CRISP2: variants seen among roughly 807,000 people sequenced by gnomAD.
CRISP2 encodes cysteine rich secretory protein 2.
Under a neutral mutation model 31.7 loss-of-function variants are expected in CRISP2, and 29 were observed. The ratio of observed to expected loss-of-function variants is 0.92; its 90% CI spans 0.68 to 1.25. The LOEUF (loss-of-function observed/expected upper bound fraction) is 1.25, where lower values mean the gene tolerates loss of function less well. Ranked by LOEUF, CRISP2 falls within the 50% of genes most tolerant of loss-of-function variation. The probability of loss-of-function intolerance (pLI) is 0.00; values close to 1 mark genes in which losing one functional copy is unlikely to be tolerated. For synonymous variants in CRISP2, 111 were observed against 101.4 expected, an observed-to-expected ratio of 1.09 and a Z score of -0.57; for missense variants, 318 against 286.5, an observed-to-expected ratio of 1.11 and a Z score of -0.79.
downstream of CRISP2, among the ~76,000 whole-genome samples, chr6:49,691,875 T>G (rs1764070454): frequency 6.6e-6 from 1 of 152,112 alleles, no homozygotes; most frequent in Non-Finnish European, 1.5e-5. Flanking sequence ...TAGCTCATGC[T>G]ATTTCACCAT....
chr6:49,707,395 G>A (rs930746863), intron 4 of CRISP2, among the ~76,000 whole-genome samples: 4 of 152,118 alleles, frequency 2.6e-5, no homozygotes, highest in African/African-American at 7.2e-5. Context: ...TAGGCATCTT[G>A]AAAACATCAG....
At chr6:49,707,629 T>G (rs1259187958) in intron 4 of CRISP2, among the ~76,000 whole-genome samples, 1 of 152,198 alleles carries the variant, frequency 6.6e-6, no homozygotes, top group Admixed American at 6.5e-5. Context: ...ATGAATGAAT[T>G]ATCTGCACAT....
chr6:49,704,869 T>C (rs1180336102), intron 4 of CRISP2, among the ~76,000 whole-genome samples: 1 of 152,224 alleles, frequency 6.6e-6, no homozygotes, highest in Admixed American at 6.5e-5. Flanking sequence ...TCAGGACCTC[T>C]GGTTAGCCAG....
At chr6:49,697,673 T>C in intron 8 of CRISP2, 187 bp downstream of exon 8, 2 of 1,485,286 alleles carry the variant, frequency 1.3e-6, no homozygotes, top group Non-Finnish European at 1.8e-6. Context: ...TCAGTTTTTA[T>C]ACCTGAAAGT....
chr6:49,688,670 C>T (rs960593024), downstream of CRISP2, among the ~76,000 whole-genome samples: 3 of 152,042 alleles, frequency 2.0e-5, no homozygotes, highest in African/African-American at 7.2e-5. Context: ...ATGCTGAGAG[C>T]CTCTTTCCAA....
At chr6:49,697,641 C>A (rs78477165) in intron 8 of CRISP2, 1 of 1,272,800 alleles carries the variant, frequency 7.9e-7, no homozygotes, top group South Asian at 1.3e-5. Flanking sequence ...AGACATTATT[C>A]TGTTAATGAG....
intron 3 of CRISP2, 100 bp from the exon 4 acceptor site, chr6:49,709,305 C>T: frequency 1.0e-6 from 1 of 990,402 alleles, no homozygotes; most frequent in South Asian, 1.5e-5. Context: ...CTCAAAGGAA[C>T]TGTGATTCCC....
the CRISP2 span, among the ~76,000 whole-genome samples, chr6:49,678,901 T>C: frequency 1.3e-5 from 2 of 152,296 alleles, no homozygotes; most frequent in East Asian, 3.9e-4. Context: ...ATGTCTGTTG[T>C]ATGCCACAGA....
At chr6:49,687,002 A>G in the CRISP2 span, among the ~76,000 whole-genome samples, 1 of 152,058 alleles carries the variant, frequency 6.6e-6, no homozygotes, top group East Asian at 1.9e-4. Context: ...GAATTGAACA[A>G]TGAGAACACA....
In CRISP2 at chr6:49,699,877, C is replaced by A. The variant is rs1339632528; in HGVS notation, c.198G>T (p.Glu66Asp). 4.3e-6 allele frequency: 7 copies of A among 1,612,402 alleles called. No homozygotes were observed. The highest frequency in any genetic ancestry group is 3.3e-5 in the Admixed American group (2 of 59,872). Residue 66 changes from glutamate to aspartate, a missense_variant, in exon 6 of 10, where the codon GAG becomes GAT. Coordinates refer to ENST00000339139, the MANE Select transcript of CRISP2 (RefSeq NM_003296.4). Reference sequence around the variant, plus strand: ...CCCACCTTTGGGCATTCGTTGTTACCTCTCTGCTCCATTCCTAAACGTCAC... The same window carrying A: ...CCCACCTTTGGGCATTCGTTGTTACATCTCTGCTCCATTCCTAAACGTCAC... ...SNMLKMEWSREVTTNAQRWAN... is the reference protein window; with the variant it reads ...SNMLKMEWSRDVTTNAQRWAN...
chr6:49,708,094 C>G (rs1767383591), intron 4 of CRISP2, among the ~76,000 whole-genome samples: 1 of 151,896 alleles, frequency 6.6e-6, no homozygotes, highest in South Asian at 2.1e-4. Context: ...AGAAATTGTG[C>G]TAATTTAATA....
Position 49,692,873 on chromosome 6 carries a change from A to C in CRISP2, c.632T>G (p.Leu211Arg). The stretch of plus-strand genomic sequence containing the variant: ...ATTCTTCAAGGAATCACAGTTACTT[A>C]GGAGATCTTGATACTGGCAACTATT... Reference protein sequence around the residue: ...CTNSCQYQDLLSNCDSLKNTA... With the variant: ...CTNSCQYQDLRSNCDSLKNTA... Residue 211 changes from leucine (L) to arginine (R), a missense_variant, in exon 10 of 10, where the codon CTA (leucine) becomes CGA (arginine). Transcript: ENST00000339139. 3 of 1,613,736 alleles carry C rather than the reference A, an allele frequency of 1.9e-6. No individual in the cohort carries two copies. Among genetic ancestry groups the C allele is most frequent in the Non-Finnish European group, 2.5e-6 (3 of 1,179,704 alleles).
At chr6:49,687,471 C>T (rs1763919160), downstream of CRISP2, among the ~76,000 whole-genome samples, 1 of 152,154 alleles carries the variant, frequency 6.6e-6, no homozygotes, top group African/African-American at 2.4e-5. Flanking sequence ...CTGGAAGCAT[C>T]ACATTGAGCT....
At chr6:49,707,169 A>C (rs1767185555) in intron 4 of CRISP2, among the ~76,000 whole-genome samples, 1 of 152,214 alleles carries the variant, frequency 6.6e-6, no homozygotes. Context: ...TAGAAATATT[A>C]AACATATCGA....
chr6:49,699,875 A>G lies in CRISP2; in HGVS notation c.200T>C (p.Val67Ala). Residue 67 changes from valine to alanine, a missense_variant, in exon 6 of 10, where the codon GTA (valine) becomes GCA (alanine). By Grantham distance (64) the Val-to-Ala change is moderately conservative (BLOSUM62 0). Coordinates refer to ENST00000339139, the MANE Select transcript of CRISP2 (RefSeq NM_003296.4). ...NMLKMEWSRE[V>A]TTNAQRWANK... is the part of the protein sequence containing the mutation. The stretch of plus-strand genomic sequence containing the variant: ...TGCCCACCTTTGGGCATTCGTTGTT[A>G]CCTCTCTGCTCCATTCCTAAACGTC... The G allele has an allele frequency of 6.2e-7, 1 of 1,612,612 alleles. No individual in the cohort carries two copies.
At chr6:49,704,112 T>C (rs549739366) in intron 4 of CRISP2, among the ~76,000 whole-genome samples, 67 of 152,268 alleles carry the variant, frequency 4.4e-4, no homozygotes, top group African/African-American at 1.6e-3. Context: ...CTTCAAGCTC[T>C]GAAGTTCTTT....
At chr6:49,707,872 A>AT (rs1767344787) in intron 4 of CRISP2, among the ~76,000 whole-genome samples, 2 of 152,206 alleles carry the variant, frequency 1.3e-5, no homozygotes, top group Non-Finnish European at 2.9e-5. Context: ...TGCTGACCAT[A>AT]TTATGGGGTC....
the CRISP2 span, among the ~76,000 whole-genome samples, chr6:49,678,683 T>C: frequency 3.9e-5 from 6 of 152,288 alleles, no homozygotes; most frequent in African/African-American, 1.4e-4. Context: ...TCATGTGTTT[T>C]ACCATTAGAA....
chr6:49,681,034 T>C, the CRISP2 span, among the ~76,000 whole-genome samples: 1 of 152,214 alleles, frequency 6.6e-6, no homozygotes, highest in East Asian at 1.9e-4. Context: ...TTTGTTGCAA[T>C]TGCTTTTGGC....
Sources: gnomAD v4.1 joint callset for allele counts (sites outside exome capture counted in the v4.1 genomes callset) on GRCh38, gnomAD v4.1.1 for gene constraint, MANE v1.5 for transcripts, NCBI Gene and HGNC (gene_info 2026-07-23, HGNC 2026-07-21) for gene names.